MORF4L1: variants seen among roughly 807,000 people sequenced by gnomAD.
MORF4L1 encodes mortality factor 4-like protein 1.
Under a neutral mutation model 52.9 loss-of-function variants are expected in MORF4L1, and 4 were observed. The ratio of observed to expected loss-of-function variants is 0.08; its 90% CI spans 0.04 to 0.17. The LOEUF (loss-of-function observed/expected upper bound fraction) is 0.17, where lower values mean the gene tolerates loss of function less well. MORF4L1 is among the 10% of genes least tolerant of loss of function. The probability of loss-of-function intolerance (pLI) is 1.00; values close to 1 mark genes in which losing one functional copy is unlikely to be tolerated. For synonymous variants in MORF4L1, 123 were observed against 134.8 expected (o/e 0.91, Z 0.61); for missense variants, 214 against 390.4 (o/e 0.55, Z 3.81).
chr15:78,887,579 T>A (rs2056727515), intron 5 of MORF4L1: 10 of 356,476 alleles, frequency 2.8e-5, no homozygotes, highest in Non-Finnish European at 5.1e-6. Flanking sequence ...ATGTGTGTGA[T>A]GTTTTCTCTT....
chr15:78,893,548 C>T lies in MORF4L1; in HGVS notation c.550C>T (p.Leu184Phe). ...ATTTTTGTCTTCATAGCTCTTTTAT[C>T]TTCCTGCCAAGAAGAATGTGGATTC... ...LITRQKQLFY[L>F]PAKKNVDSIL... Residue 184 changes from leucine to phenylalanine, a missense_variant, in exon 9 of 12, where the codon CTT becomes TTT. Leu to Phe is a conservative substitution (Grantham distance 22, BLOSUM62 0). Coordinates refer to ENST00000426013, the MANE Select transcript of MORF4L1 (RefSeq NM_006791.4). The T allele has an allele frequency of 6.2e-7, 1 of 1,603,834 alleles. No individual in the cohort carries two copies.
At chr15:78,884,639 CAAAA>C (rs71148577) in intron 3 of MORF4L1, among the ~76,000 whole-genome samples, 7 of 89,570 alleles carry the variant, frequency 7.8e-5, no homozygotes, top group Non-Finnish European at 1.4e-4. Context: ...AACTCTGTCT[CAAAA>C]AAAAAAAAAA....
At chr15:78,887,476 T>G (rs1596247425) in intron 5 of MORF4L1, 127 bp downstream of exon 5, 1 of 726,334 alleles carries the variant, frequency 1.4e-6, no homozygotes, top group East Asian at 2.8e-5. Context: ...ATCCCATTCC[T>G]CAGGTATCAG....
At chr15:78,876,348 G>A (rs557045490) in intron 1 of MORF4L1, 3 of 284,236 alleles carry the variant, frequency 1.1e-5, no homozygotes, top group Admixed American at 3.9e-5. Flanking sequence ...TGTTGTATAA[G>A]CAATTCTTAA....
At position 78,872,962 on chromosome 15, in the gene MORF4L1, T is replaced by C. The variant is rs2056394722; in HGVS notation, c.-56T>C. The C allele has an allele frequency of 6.7e-7, 1 of 1,499,324 alleles. No individual in the cohort carries two copies. The highest frequency in any genetic ancestry group is 1.6e-5 in the African/African-American group (1 of 61,850). 92.9% of individuals were successfully genotyped at this position (1,499,324 alleles called of 1,614,324 possible). A position where few individuals can be genotyped will look rare whatever the true frequency, so the allele number is the denominator to read the frequency against. On this transcript the variant is annotated 5_prime_UTR_variant, in exon 1 of 12. Transcript: ENST00000426013. Reference sequence around the variant, plus strand: ...ACGCGGAGTTGGGTGGGGTAGAGAGTAGGGGGCGGTAGTCGGGGGTGGTGG... The same window carrying C: ...ACGCGGAGTTGGGTGGGGTAGAGAGCAGGGGGCGGTAGTCGGGGGTGGTGG...
chr15:78,877,791 C>T (rs2056523953), intron 1 of MORF4L1: 2 of 154,634 alleles, frequency 1.3e-5, no homozygotes, highest in Admixed American at 6.5e-5. Context: ...CGATATTTCA[C>T]TGAGTAAAAG....
chr15:78,875,022 A>T (rs1445187044), intron 1 of MORF4L1, among the ~76,000 whole-genome samples: 1 of 152,170 alleles, frequency 6.6e-6, no homozygotes, highest in African/African-American at 2.4e-5. Flanking sequence ...CAGTTATCGC[A>T]TTCTTATTTC....
At chr15:78,881,479 A>T (rs867178176) in intron 3 of MORF4L1, among the ~76,000 whole-genome samples, 63 of 131,342 alleles carry the variant, frequency 4.8e-4, no homozygotes, top group African/African-American at 1.5e-3. Context: ...TACAGGTGTG[A>T]GCCACTGCCC....
chr15:78,890,326 A>C (rs1357398919), intron 5 of MORF4L1, among the ~76,000 whole-genome samples: 1 of 152,172 alleles, frequency 6.6e-6, no homozygotes, highest in Non-Finnish European at 1.5e-5. Context: ...AATTACACAA[A>C]TCTAAAAATA....
chr15:78,891,498 G>T lies in MORF4L1; in HGVS notation c.364G>T (p.Asp122Tyr), dbSNP rs769448715. The change falls in exon 7 of 12, where the codon GAT becomes TAT. Residue 122 changes from aspartate to tyrosine, a missense_variant. Transcript: ENST00000426013. Reference sequence around the variant, plus strand: ...AACATTTACAGCACCTGGAAATGGAGATGGTGGCAGTACCAGTGAGACCCC... The same window carrying T: ...AACATTTACAGCACCTGGAAATGGATATGGTGGCAGTACCAGTGAGACCCC... ...KNKQKTPGNGDGGSTSETPQP... is the reference protein window; with the variant it reads ...KNKQKTPGNGYGGSTSETPQP... The T allele has an allele frequency of 1.2e-6, 2 of 1,613,846 alleles. No homozygotes were observed. The highest frequency in any genetic ancestry group is 1.7e-6 in the Non-Finnish European group (2 of 1,179,920).
chr15:78,891,288 G>A, intron 6 of MORF4L1, 196 bp from the exon 7 acceptor site: 1 of 650,772 alleles, frequency 1.5e-6, no homozygotes, highest in South Asian at 1.9e-5. Flanking sequence ...GATACTAAAT[G>A]TTGTCTATAC....
intron 2 of MORF4L1, among the ~76,000 whole-genome samples, chr15:78,880,118 C>T (rs1407283719): frequency 6.6e-6 from 1 of 152,154 alleles, no homozygotes; most frequent in Non-Finnish European, 1.5e-5. Context: ...AGAAACAGGT[C>T]CATTTACTGC....
At chr15:78,886,538 T>TG (rs2056706561) in intron 4 of MORF4L1, 3 of 279,004 alleles carry the variant, frequency 1.1e-5, no homozygotes, top group African/African-American at 4.3e-5. Context: ...ACAAATTTGG[T>TG]GGGGAAACAA....
intron 3 of MORF4L1, among the ~76,000 whole-genome samples, chr15:78,883,000 A>G (rs2056629529): frequency 1.3e-5 from 2 of 152,148 alleles, no homozygotes; most frequent in East Asian, 1.9e-4. Flanking sequence ...GGATCATTTG[A>G]GGTCAGGAGT....
intron 10 of MORF4L1, 116 bp from the exon 11 acceptor site, chr15:78,894,704 G>A (rs540677674): frequency 8.6e-6 from 7 of 816,328 alleles, no homozygotes; most frequent in South Asian, 6.4e-5. Flanking sequence ...CACTATGCCC[G>A]GCCTAAAATC....
At position 78,898,110 on chromosome 15, in the gene MORF4L1, TTAAAA is replaced by T. The variant is rs1372835404; in HGVS notation, c.*1047_*1051del. 10 of 152,134 alleles carry T rather than the reference TTAAAA, an allele frequency of 6.6e-5. No individual in the cohort carries two copies. Among genetic ancestry groups the T allele is most frequent in the African/African-American group, 2.4e-4 (10 of 41,420 alleles). The allele number at this position is 152,134 out of a possible 1,614,324, so 9.4% of individuals were successfully genotyped here. On this transcript the variant is annotated 3_prime_UTR_variant, in exon 12 of 12. Coordinates refer to ENST00000426013, the MANE Select transcript of MORF4L1 (RefSeq NM_006791.4). ...AAAAATGTCAATAGACAACACAGTA[TTAAAA>T]TAACCCAAAAGTTGTAAAGGGCAAC...
chr15:78,890,305 TAAAAC>T (rs10602115), intron 5 of MORF4L1, among the ~76,000 whole-genome samples: 19,583 of 151,160 alleles, frequency 0.13, 1,317 homozygotes, highest in East Asian at 0.26. Context: ...TGAGGAGACT[TAAAAC>T]AAAAAAATTA....
chr15:78,877,986 T>G (rs1460620582), intron 1 of MORF4L1: 1 of 429,298 alleles, frequency 2.3e-6, no homozygotes, highest in Non-Finnish European at 4.1e-6. Flanking sequence ...ATTATTTAAG[T>G]AGATTGACCT....
At position 78,897,724 on chromosome 15, in the gene MORF4L1, A is replaced by G. The variant is rs2056914211; in HGVS notation, c.*657A>G. On this transcript the variant is annotated 3_prime_UTR_variant, in exon 12 of 12. Transcript: ENST00000426013. ...CAGATCTTCAATAAATTTTTTCTTT[A>G]AATTTCAAAGAACAATGTGCTTGTG... The G allele has an allele frequency of 6.6e-6, 1 of 152,606 alleles. No individual in the cohort carries two copies. Among genetic ancestry groups the G allele is most frequent in the Admixed American group, 6.5e-5 (1 of 15,286 alleles). The allele number at this position is 152,606 out of a possible 1,614,324, so 9.5% of individuals were successfully genotyped here.
Sources: gnomAD v4.1 joint callset for allele counts (sites outside exome capture counted in the v4.1 genomes callset) on GRCh38, gnomAD v4.1.1 for gene constraint, MANE v1.5 for transcripts, NCBI Gene and HGNC (gene_info 2026-07-23, HGNC 2026-07-21) for gene names.